The following BBX variants were observed in gnomAD, a reference collection of about 807,000 sequenced individuals.
BBX encodes BBX high mobility group box domain containing.
Under a neutral mutation model 100.2 loss-of-function variants are expected in BBX, and 30 were observed. The observed-to-expected ratio is 0.30, with a 90% CI of 0.22 to 0.41. BBX has a LOEUF of 0.41. Among genes scored for constraint, BBX ranks in the 10% least tolerant of loss-of-function variants. BBX has a pLI of 1.00. For synonymous variants in BBX, 376 were observed against 388.1 expected, an observed-to-expected ratio of 0.97 and a Z score of 0.37; for missense variants, 1,023 against 1,129.8, an observed-to-expected ratio of 0.91 and a Z score of 1.35.
chr3:107,688,204 G>T (rs531062560), intron 3 of BBX, among the ~76,000 whole-genome samples: 4 of 152,214 alleles, frequency 2.6e-5, no homozygotes, highest in African/African-American at 7.2e-5. Flanking sequence ...GGCCCAGCCA[G>T]TTCTTCTAGG....
chr3:107,550,194 A>G (rs977908767), intron 2 of BBX, among the ~76,000 whole-genome samples: 2 of 152,148 alleles, frequency 1.3e-5, no homozygotes, highest in Non-Finnish European at 2.9e-5. Flanking sequence ...CAACTTTCCT[A>G]TGAGACCTTA....
intron 2 of BBX, among the ~76,000 whole-genome samples, chr3:107,601,206 C>G (rs190569354): frequency 4.6e-5 from 7 of 152,280 alleles, no homozygotes; most frequent in Admixed American, 4.6e-4. Flanking sequence ...TCCCATCTTT[C>G]TCCCTCAGGC....
At position 107,634,445 on chromosome 3, in the gene BBX, G is replaced by A. The variant is rs181110236; in HGVS notation, c.-83-11391G>A. Among the ~76,000 whole-genome samples the A allele has an allele frequency of 5.9e-4, 90 of 152,236 alleles. No homozygotes were observed. The Middle Eastern group carries it at 0.017, about 29-fold the overall frequency. Reference sequence around the variant, plus strand: ...GAGGACTGGAGTATGGAGACAAAGCGCGACCTAATTAATTAAAATTATTTT... The same window carrying A: ...GAGGACTGGAGTATGGAGACAAAGCACGACCTAATTAATTAAAATTATTTT... On this transcript the variant is annotated intron_variant, in intron 2 of 17. Transcript: ENST00000325805.
At chr3:107,663,649 ACTATTTT>A (rs1228009543) in intron 3 of BBX, among the ~76,000 whole-genome samples, 2 of 151,882 alleles carry the variant, frequency 1.3e-5, no homozygotes, top group Non-Finnish European at 2.9e-5. Flanking sequence ...TTCTGCAACA[ACTATTTT>A]TCCTGCTCAA....
At chr3:107,745,447 AG>A (rs1008191751) in intron 8 of BBX, among the ~76,000 whole-genome samples, 1 of 151,996 alleles carries the variant, frequency 6.6e-6, no homozygotes, top group Non-Finnish European at 1.5e-5. Flanking sequence ...AGTTTTATAC[AG>A]GGGGAACATT....
At chr3:107,613,314 G>C (rs1407916587) in intron 2 of BBX, among the ~76,000 whole-genome samples, 1 of 149,790 alleles carries the variant, frequency 6.7e-6, no homozygotes, top group Non-Finnish European at 1.5e-5. Context: ...AGCCTCCTGA[G>C]TAGCTGGGAC....
chr3:107,651,670 GA>G (rs534093345), intron 3 of BBX, among the ~76,000 whole-genome samples: 6 of 148,114 alleles, frequency 4.1e-5, no homozygotes, highest in East Asian at 2.0e-4. Flanking sequence ...TTGGTAAACA[GA>G]AAAAAAAAAG....
chr3:107,793,436 C>T (rs1559765522), intron 15 of BBX, among the ~76,000 whole-genome samples: 1 of 152,054 alleles, frequency 6.6e-6, no homozygotes, highest in Non-Finnish European at 1.5e-5. Context: ...AAACAGGAAT[C>T]AATTTGAGCA....
intron 10 of BBX, among the ~76,000 whole-genome samples, chr3:107,771,591 A>G (rs1056868906): frequency 2.0e-5 from 3 of 152,206 alleles, no homozygotes; most frequent in Non-Finnish European, 4.4e-5. Context: ...ACAGTAAGTG[A>G]AATAAACTAT....
intron 9 of BBX, among the ~76,000 whole-genome samples, chr3:107,751,767 C>G (rs1018005373): frequency 6.6e-6 from 1 of 152,054 alleles, no homozygotes; most frequent in Admixed American, 6.6e-5. Flanking sequence ...TCACCACCCC[C>G]AATTTCAGCC....
chr3:107,802,328 A>G (rs955804596), intron 17 of BBX, among the ~76,000 whole-genome samples: 15 of 152,220 alleles, frequency 9.9e-5, no homozygotes, highest in African/African-American at 3.4e-4. Flanking sequence ...CAGTTTGAGT[A>G]CTTCCTCACA....
chr3:107,646,133 G>A (rs1007543861), intron 3 of BBX: 2 of 152,002 alleles, frequency 1.3e-5, no homozygotes, highest in African/African-American at 4.8e-5. Flanking sequence ...TAAAACTAGC[G>A]GTTTCAAAAT....
In BBX at chr3:107,697,247, G is replaced by C. The variant is rs150493196; in HGVS notation, c.-9-13205G>C. ...TTTGTTCTGTTGCTGGTGAGGAACTGTGTTCCTTTCGAGGAGGAGAGGCGC... is the reference window on the plus strand; with the variant it reads ...TTTGTTCTGTTGCTGGTGAGGAACTCTGTTCCTTTCGAGGAGGAGAGGCGC... On this transcript the variant is annotated intron_variant, in intron 3 of 17. Transcript: ENST00000325805. Among the ~76,000 whole-genome samples the C allele has an allele frequency of 5.1e-3, 772 of 152,064 alleles. 6 individuals are homozygous for C. Among genetic ancestry groups the C allele is most frequent in the Non-Finnish European group, 7.5e-3 (510 of 68,044 alleles).
At chr3:107,539,293 T>C (rs905849779) in intron 2 of BBX, among the ~76,000 whole-genome samples, 1 of 152,150 alleles carries the variant, frequency 6.6e-6, no homozygotes. Flanking sequence ...CTCAGGATAT[T>C]TCTAGTATAG....
intron 3 of BBX, among the ~76,000 whole-genome samples, chr3:107,679,004 C>A (rs537116689): frequency 2.6e-5 from 4 of 151,924 alleles, no homozygotes; most frequent in African/African-American, 9.7e-5. Flanking sequence ...TTTATAGATG[C>A]GGGTTTACAA....
At chr3:107,661,602 A>G (rs1018788195) in intron 3 of BBX, among the ~76,000 whole-genome samples, 1 of 152,200 alleles carries the variant, frequency 6.6e-6, no homozygotes, top group Non-Finnish European at 1.5e-5. Flanking sequence ...GAGAGCACCT[A>G]TTACATGAGT....
At chr3:107,557,955 C>A (rs549855388) in intron 2 of BBX, among the ~76,000 whole-genome samples, 1 of 152,322 alleles carries the variant, frequency 6.6e-6, no homozygotes, top group African/African-American at 2.4e-5. Flanking sequence ...GTCAGCATCA[C>A]CTGGTAGAAA....
chr3:107,727,361 C>T (rs917133540), intron 5 of BBX, among the ~76,000 whole-genome samples: 4 of 152,138 alleles, frequency 2.6e-5, no homozygotes, highest in African/African-American at 7.2e-5. Context: ...GTAAATCCCT[C>T]ATGCACATGA....
At chr3:107,524,919 A>G (rs1426211775) in intron 1 of BBX, among the ~76,000 whole-genome samples, 3 of 151,638 alleles carry the variant, frequency 2.0e-5, no homozygotes, top group Non-Finnish European at 4.4e-5. Flanking sequence ...TGTCCTGCTA[A>G]TGACACGTCC....
Sources: gnomAD v4.1 joint callset for allele counts (sites outside exome capture counted in the v4.1 genomes callset) on GRCh38, gnomAD v4.1.1 for gene constraint, MANE v1.5 for transcripts, NCBI Gene and HGNC (gene_info 2026-07-23, HGNC 2026-07-21) for gene names.